Variants in PDGFD observed in about 807,000 individuals in gnomAD.
The protein encoded by PDGFD is platelet derived growth factor D, also known as platelet-derived growth factor D.
PDGFD carries 30 observed loss-of-function variants against 44.7 expected under a neutral mutation model. The observed-to-expected ratio is 0.67, with a 90% CI of 0.50 to 0.91. The LOEUF (loss-of-function observed/expected upper bound fraction) is 0.91. Ranked by LOEUF, PDGFD falls within the 40% of genes least tolerant of loss-of-function variation. The pLI is 0.00. For missense variants in PDGFD, 445 were observed against 457.8 expected (o/e 0.97, Z 0.25); for synonymous variants, 173 against 168.4 (o/e 1.03, Z -0.21).
chr11:103,949,984 T>A (rs1016204925), intron 3 of PDGFD, among the ~76,000 whole-genome samples: 2 of 151,994 alleles, frequency 1.3e-5, no homozygotes, highest in African/African-American at 4.8e-5. Context: ...AAACTATGAG[T>A]CATGTTGGGC....
intron 6 of PDGFD, among the ~76,000 whole-genome samples, chr11:103,925,722 T>TAC (rs1858301983): frequency 7.0e-6 from 1 of 142,472 alleles, no homozygotes; most frequent in Admixed American, 7.0e-5. Flanking sequence ...CACACATATA[T>TAC]ATATATATAT....
At chr11:104,139,624 C>T (rs1235935605) in intron 1 of PDGFD, among the ~76,000 whole-genome samples, 1 of 152,284 alleles carries the variant, frequency 6.6e-6, no homozygotes, top group East Asian at 1.9e-4. Context: ...ACAACAAAGA[C>T]TTTACTCACA....
chr11:104,101,646 T>G (rs529725297), intron 1 of PDGFD, among the ~76,000 whole-genome samples: 7 of 152,118 alleles, frequency 4.6e-5, no homozygotes, highest in Admixed American at 4.6e-4. Flanking sequence ...AGAACAAAGC[T>G]GGAGGCAGCA....
intron 1 of PDGFD, among the ~76,000 whole-genome samples, chr11:104,007,347 CT>C (rs1316579381): frequency 1.3e-5 from 2 of 152,156 alleles, no homozygotes; most frequent in Non-Finnish European, 2.9e-5. Flanking sequence ...GAAGTCACCC[CT>C]GGCCCCAATA....
At chr11:103,916,639 A>G (rs1292956158) in intron 6 of PDGFD, among the ~76,000 whole-genome samples, 2 of 152,156 alleles carry the variant, frequency 1.3e-5, no homozygotes, top group Non-Finnish European at 2.9e-5. Context: ...ACATGCACAC[A>G]TATGTTTATT....
intron 1 of PDGFD, among the ~76,000 whole-genome samples, chr11:104,124,991 G>A (rs1861822673): frequency 6.6e-6 from 1 of 152,086 alleles, no homozygotes. Flanking sequence ...CAACAAAGGA[G>A]GACTCTGATA....
At chr11:103,927,963 T>G (rs1284208028) in intron 5 of PDGFD, among the ~76,000 whole-genome samples, 1 of 152,218 alleles carries the variant, frequency 6.6e-6, no homozygotes, top group African/African-American at 2.4e-5. Context: ...CACATTCTTT[T>G]CCTTTAAAGT....
At chr11:104,004,350 T>G (rs1859667075) in intron 1 of PDGFD, among the ~76,000 whole-genome samples, 1 of 152,156 alleles carries the variant, frequency 6.6e-6, no homozygotes. Context: ...ACATACAGAC[T>G]TTTTTTCTTG....
At chr11:103,979,595 G>A (rs1859236174) in intron 3 of PDGFD, among the ~76,000 whole-genome samples, 2 of 152,078 alleles carry the variant, frequency 1.3e-5, no homozygotes, top group African/African-American at 4.8e-5. Context: ...TAATTCATTA[G>A]AAAATTAGCT....
chr11:103,962,983 A>G (rs1858962256), intron 3 of PDGFD, among the ~76,000 whole-genome samples: 1 of 152,146 alleles, frequency 6.6e-6, no homozygotes, highest in African/African-American at 2.4e-5. Context: ...TGCAAATTCC[A>G]ACTTCTCCAC....
chr11:104,016,283 G>C (rs183753816), intron 1 of PDGFD, among the ~76,000 whole-genome samples: 263 of 152,280 alleles, frequency 1.7e-3, no homozygotes, highest in Non-Finnish European at 3.0e-3. Flanking sequence ...TGAATGTGTT[G>C]GCTGCTCTCC....
At position 104,098,858 on chromosome 11, in the gene PDGFD, G is replaced by A. The variant is rs568423665; in HGVS notation, c.124+64946C>T. 5.0e-4 allele frequency among the ~76,000 whole-genome samples: 76 copies of A among 152,062 alleles called. 1 individual carries two copies. Among genetic ancestry groups the A allele is most frequent in the Admixed American group, 2.2e-3 (33 of 15,246 alleles). Reference sequence around the variant, plus strand: ...ACAAAAAGGAAGAAAAATGCACAATGTTATACAGAACTGGGCAAGCCACAA... The same window carrying A: ...ACAAAAAGGAAGAAAAATGCACAATATTATACAGAACTGGGCAAGCCACAA... On this transcript the variant is annotated intron_variant, in intron 1 of 6. Transcript: ENST00000393158.
chr11:103,927,391 G>T (rs1424966789), intron 5 of PDGFD, among the ~76,000 whole-genome samples: 1 of 152,050 alleles, frequency 6.6e-6, no homozygotes, highest in Non-Finnish European at 1.5e-5. Context: ...AAATTTCCTT[G>T]CATCTTTTTT....
At chr11:104,089,667 T>C (rs1031819048) in intron 1 of PDGFD, among the ~76,000 whole-genome samples, 9 of 152,156 alleles carry the variant, frequency 5.9e-5, no homozygotes, top group African/African-American at 2.2e-4. Context: ...GAAGTGAGTA[T>C]TGCCAAGTGT....
At chr11:104,004,872 C>CTTTTTTTTTT (rs33979812) in intron 1 of PDGFD, among the ~76,000 whole-genome samples, 14 of 71,896 alleles carry the variant, frequency 1.9e-4, no homozygotes, top group Admixed American at 4.7e-4. Flanking sequence ...TTATTACCAC[C>CTTTTTTTTTT]TTTTTTTTTT....
intron 1 of PDGFD, among the ~76,000 whole-genome samples, chr11:104,070,765 T>C (rs1860861650): frequency 6.6e-6 from 1 of 152,172 alleles, no homozygotes; most frequent in Non-Finnish European, 1.5e-5. Flanking sequence ...TCTATGGACA[T>C]GTCATAGTTT....
chr11:104,016,779 G>A (rs1389831485), intron 1 of PDGFD, among the ~76,000 whole-genome samples: 1 of 152,232 alleles, frequency 6.6e-6, no homozygotes, highest in African/African-American at 2.4e-5. Flanking sequence ...CTACACGGTT[G>A]TTGCTCTGAA....
intron 1 of PDGFD, among the ~76,000 whole-genome samples, chr11:104,041,201 G>A (rs1320283062): frequency 6.6e-6 from 1 of 152,086 alleles, no homozygotes. Context: ...ATAGAGAAAT[G>A]AGTAGGTTAT....
At chr11:104,021,919 C>A (rs913567230) in intron 1 of PDGFD, among the ~76,000 whole-genome samples, 7 of 152,050 alleles carry the variant, frequency 4.6e-5, no homozygotes, top group African/African-American at 1.7e-4. Context: ...TTATGAGTAG[C>A]ACATTCAGGC....
Sources: allele counts gnomAD v4.1 joint callset (sites outside exome capture counted in the v4.1 genomes callset), GRCh38; gene constraint gnomAD v4.1.1; transcripts MANE v1.5; gene names NCBI Gene and HGNC (gene_info 2026-07-23, HGNC 2026-07-21).